Variants in CSMD1 observed in about 807,000 individuals in gnomAD.
The protein encoded by CSMD1 is CUB and Sushi multiple domains 1.
A neutral mutation model predicts 417.5 loss-of-function variants in CSMD1; 213 were observed. That is an observed-to-expected ratio of 0.51 (90% CI 0.46 to 0.57). CSMD1 has a LOEUF of 0.57. Among genes scored for constraint, CSMD1 ranks in the 20% least tolerant of loss-of-function variants. The pLI is 0.00. For synonymous variants in CSMD1, 2,862 were observed against 1,736.8 expected, an observed-to-expected ratio of 1.65 and a Z score of -16.11; for missense variants, 6,923 against 4,529.7, an observed-to-expected ratio of 1.53 and a Z score of -15.17.
intron 3 of CSMD1, among the ~76,000 whole-genome samples, chr8:4,417,716 C>G (rs547286476): frequency 1.3e-5 from 2 of 151,900 alleles, no homozygotes; most frequent in Non-Finnish European, 2.9e-5. Flanking sequence ...TCTGAGGTAT[C>G]AGAAAGAGAA....
At chr8:3,425,343 A>T (rs528331674) in intron 12 of CSMD1, among the ~76,000 whole-genome samples, 104 of 151,830 alleles carry the variant, frequency 6.8e-4, no homozygotes, top group Non-Finnish European at 1.3e-3. Flanking sequence ...TAATCCCAGC[A>T]CTTTGGGAGG....
chr8:3,042,425 T>A (rs1364267763), intron 50 of CSMD1, among the ~76,000 whole-genome samples: 1 of 152,178 alleles, frequency 6.6e-6, no homozygotes, highest in Non-Finnish European at 1.5e-5. Flanking sequence ...TTAATAGGTA[T>A]TTTCTAAATG....
intron 1 of CSMD1, among the ~76,000 whole-genome samples, chr8:4,762,747 G>A (rs1248274035): frequency 1.3e-5 from 2 of 152,058 alleles, no homozygotes; most frequent in African/African-American, 4.8e-5. Context: ...TCAATTCAGT[G>A]CTCCTGCAGC....
At chr8:3,793,227 C>T (rs1009712005) in intron 5 of CSMD1, among the ~76,000 whole-genome samples, 2 of 152,180 alleles carry the variant, frequency 1.3e-5, no homozygotes, top group Admixed American at 1.3e-4. Context: ...TGGTCTAAGT[C>T]CTGTTCCAGA....
chr8:3,293,730 AATTTT>A (rs1803754144), intron 25 of CSMD1, among the ~76,000 whole-genome samples: 1 of 150,996 alleles, frequency 6.6e-6, no homozygotes, highest in South Asian at 2.2e-4. Context: ...CCATTCGTTT[AATTTT>A]TTTTACAAGG....
At chr8:4,617,561 C>T (rs1041898785) in intron 2 of CSMD1, among the ~76,000 whole-genome samples, 6 of 152,188 alleles carry the variant, frequency 3.9e-5, no homozygotes, top group Middle Eastern at 3.4e-3. Context: ...ATCATGGTGG[C>T]GCTCTCCTTA....
In CSMD1 at chr8:3,348,133, A is replaced by T. The variant is rs371414165; in HGVS notation, c.3333T>A (p.Asn1111Lys). 2.4e-5 allele frequency: 39 copies of T among 1,612,292 alleles called. No individual in the cohort carries two copies. The highest frequency in any genetic ancestry group is 1.7e-4 in the Middle Eastern group (1 of 6,040). ...VAECGASVKG[N>K]EGTLLSPNFP... Reference sequence around the variant, plus strand: ...AATTTGGAGACAGTAATGTTCCTTCATTTCCTTTGACACTTGCTCCACATT... The same window carrying T: ...AATTTGGAGACAGTAATGTTCCTTCTTTTCCTTTGACACTTGCTCCACATT... Residue 1111 changes from asparagine to lysine, a missense_variant, in exon 22 of 70, where the codon AAT (asparagine) becomes AAA (lysine). Coordinates refer to ENST00000635120, the MANE Select transcript of CSMD1 (RefSeq NM_033225.6).
At chr8:3,903,155 C>T (rs1329247203) in intron 5 of CSMD1, among the ~76,000 whole-genome samples, 1 of 152,088 alleles carries the variant, frequency 6.6e-6, no homozygotes, top group Non-Finnish European at 1.5e-5. Flanking sequence ...ATGAGCTCTG[C>T]ATTCCATTTA....
chr8:4,166,941 C>A (rs1465151790), intron 3 of CSMD1, among the ~76,000 whole-genome samples: 1 of 152,162 alleles, frequency 6.6e-6, no homozygotes, highest in Non-Finnish European at 1.5e-5. Flanking sequence ...GGGTCAGTGG[C>A]CACCATGTCA....
intron 5 of CSMD1, among the ~76,000 whole-genome samples, chr8:3,814,987 A>C (rs1801295431): frequency 6.6e-6 from 1 of 152,214 alleles, no homozygotes; most frequent in Non-Finnish European, 1.5e-5. Context: ...CTGCATAATA[A>C]TTACTAAATT....
chr8:4,580,427 T>TA (rs551131286), intron 2 of CSMD1, among the ~76,000 whole-genome samples: 3 of 152,174 alleles, frequency 2.0e-5, no homozygotes, highest in South Asian at 2.1e-4. Context: ...ATTAAAAGCA[T>TA]AAAAAAAACT....
intron 2 of CSMD1, among the ~76,000 whole-genome samples, chr8:4,433,704 A>G (rs1472162320): frequency 1.3e-5 from 2 of 152,232 alleles, no homozygotes; most frequent in East Asian, 1.9e-4. Context: ...ATGTGAATAT[A>G]TAAAATTCCC....
chr8:4,623,538 G>A (rs1801900966), intron 2 of CSMD1, among the ~76,000 whole-genome samples: 1 of 151,894 alleles, frequency 6.6e-6, no homozygotes, highest in South Asian at 2.1e-4. Context: ...AATAATCAAA[G>A]GAGCTTTATT....
At chr8:3,353,882 C>T (rs1383072614) in intron 21 of CSMD1, among the ~76,000 whole-genome samples, 1 of 152,040 alleles carries the variant, frequency 6.6e-6, no homozygotes, top group African/African-American at 2.4e-5. Flanking sequence ...ATGAAATTAA[C>T]ACAGAAGAAA....
intron 2 of CSMD1, among the ~76,000 whole-genome samples, chr8:4,530,504 C>G (rs1310877027): frequency 1.3e-5 from 2 of 151,030 alleles, no homozygotes; most frequent in South Asian, 2.1e-4. Flanking sequence ...TTCCCCCGAC[C>G]CCCTGACAGG....
chr8:4,189,275 C>G (rs1032087707), intron 3 of CSMD1, among the ~76,000 whole-genome samples: 1 of 152,174 alleles, frequency 6.6e-6, no homozygotes, highest in African/African-American at 2.4e-5. Context: ...GAAACACTTC[C>G]TATCTCTTTA....
At chr8:4,542,008 C>T (rs1395449948) in intron 2 of CSMD1, among the ~76,000 whole-genome samples, 1 of 152,176 alleles carries the variant, frequency 6.6e-6, no homozygotes, top group Admixed American at 6.5e-5. Context: ...GAGCCACACT[C>T]TGTTGCCAAT....
intron 5 of CSMD1, among the ~76,000 whole-genome samples, chr8:3,850,582 C>G (rs551702064): frequency 2.0e-5 from 3 of 152,272 alleles, no homozygotes; most frequent in Admixed American, 1.3e-4. Context: ...GTTTTCCCAG[C>G]TACTTAGGAA....
At chr8:3,796,744 G>A (rs943824744) in intron 5 of CSMD1, among the ~76,000 whole-genome samples, 1 of 151,080 alleles carries the variant, frequency 6.6e-6, no homozygotes, top group Non-Finnish European at 1.5e-5. Flanking sequence ...TGTTATAGGT[G>A]GTTGCAATTA....
Sources: gnomAD v4.1 joint callset for allele counts (sites outside exome capture counted in the v4.1 genomes callset) on GRCh38, gnomAD v4.1.1 for gene constraint, MANE v1.5 for transcripts, NCBI Gene and HGNC (gene_info 2026-07-23, HGNC 2026-07-21) for gene names.